RBFOX1: variants seen among roughly 807,000 people sequenced by gnomAD.
RBFOX1 encodes the protein RNA binding fox-1 homolog 1, also known as RNA binding protein fox-1 homolog 1.
Under a neutral mutation model 57.7 loss-of-function variants are expected in RBFOX1, and 8 were observed. The ratio of observed to expected loss-of-function variants is 0.14; its 90% CI spans 0.08 to 0.25. The LOEUF is 0.25. Among genes scored for constraint, RBFOX1 ranks in the 10% least tolerant of loss-of-function variants. The pLI is 1.00. For missense variants in RBFOX1, 611 were observed against 548.5 expected (o/e 1.11, Z -1.14); for synonymous variants, 326 against 222.4 (o/e 1.47, Z -4.15).
chr16:7,559,487 A>G (rs575477504), intron 5 of RBFOX1, among the ~76,000 whole-genome samples: 1 of 152,290 alleles, frequency 6.6e-6, no homozygotes, highest in East Asian at 1.9e-4. Flanking sequence ...TTAAAAATAT[A>G]AAAGTCTTTC....
In RBFOX1 at chr16:6,134,825, A is replaced by G. The variant is rs1048706748; in HGVS notation, c.-127+114833A>G. 2.7e-5 allele frequency among the ~76,000 whole-genome samples: 4 copies of G among 145,628 alleles called. No individual in the cohort carries two copies. In the Admixed American group the frequency reaches 2.7e-4, roughly 10 times the overall value. On this transcript the variant is annotated intron_variant, in intron 1 of 15. Transcript: ENST00000550418. ...TTATGTGAGGGGTCCATTCTCTAGCATCTTACCCCAGGCAGGCCATTTTTT... is the reference window on the plus strand; with the variant it reads ...TTATGTGAGGGGTCCATTCTCTAGCGTCTTACCCCAGGCAGGCCATTTTTT...
At chr16:6,862,732 C>T (rs2059232523) in intron 3 of RBFOX1, among the ~76,000 whole-genome samples, 1 of 152,264 alleles carries the variant, frequency 6.6e-6, no homozygotes, top group South Asian at 2.1e-4. Context: ...CACCTGTAAT[C>T]CCGGCGCTTT....
intron 3 of RBFOX1, among the ~76,000 whole-genome samples, chr16:6,906,636 A>T (rs1358947073): frequency 1.3e-5 from 2 of 152,124 alleles, no homozygotes; most frequent in African/African-American, 2.4e-5. Context: ...GAGGACAGGA[A>T]CAGCGTTTTC....
chr16:6,540,227 G>C (rs543750071), intron 2 of RBFOX1, among the ~76,000 whole-genome samples: 2 of 152,022 alleles, frequency 1.3e-5, no homozygotes, highest in African/African-American at 4.8e-5. Context: ...ATTCTTGAAA[G>C]TAGGTTTTGG....
intron 4 of RBFOX1, among the ~76,000 whole-genome samples, chr16:5,985,411 A>G (rs371882063): frequency 1.1e-4 from 16 of 152,274 alleles, no homozygotes; most frequent in African/African-American, 3.4e-4. Flanking sequence ...CCTGTAAGGT[A>G]TAATAGTTGC....
chr16:6,458,562 A>G (rs1211885086), intron 2 of RBFOX1, among the ~76,000 whole-genome samples: 1 of 152,208 alleles, frequency 6.6e-6, no homozygotes, highest in Non-Finnish European at 1.5e-5. Flanking sequence ...CAAACCAGGC[A>G]TCAACCATTG....
At chr16:7,634,313 A>G (rs1343120942) in intron 11 of RBFOX1, among the ~76,000 whole-genome samples, 2 of 151,984 alleles carry the variant, frequency 1.3e-5, no homozygotes, top group African/African-American at 2.4e-5. Context: ...CAGACTTGCA[A>G]GATAACTCTG....
chr16:5,727,413 G>C (rs769585313), intron 3 of RBFOX1, among the ~76,000 whole-genome samples: 2 of 152,176 alleles, frequency 1.3e-5, no homozygotes, highest in Non-Finnish European at 2.9e-5. Flanking sequence ...GTGATGCTCT[G>C]ATGTACGTAT....
At chr16:7,630,474 C>T in intron 10 of RBFOX1, 129 bp from the exon 11 acceptor site, 2 of 1,524,594 alleles carry the variant, frequency 1.3e-6, no homozygotes, top group Non-Finnish European at 1.8e-6. Context: ...TTGTTGGGTA[C>T]CCTTGTCCTG....
chr16:5,730,309 C>T (rs906050699), intron 3 of RBFOX1, among the ~76,000 whole-genome samples: 1 of 152,138 alleles, frequency 6.6e-6, no homozygotes, highest in Admixed American at 6.5e-5. Context: ...AAGACTACAG[C>T]TTCTCATGCC....
chr16:5,568,766 A>T (rs945165105), intron 2 of RBFOX1, among the ~76,000 whole-genome samples: 7 of 152,218 alleles, frequency 4.6e-5, no homozygotes, highest in African/African-American at 1.7e-4. Context: ...GTTTGAAGTC[A>T]GTTTTGAAAA....
At chr16:6,257,766 A>G (rs914035333) in intron 1 of RBFOX1, among the ~76,000 whole-genome samples, 2 of 152,154 alleles carry the variant, frequency 1.3e-5, no homozygotes, top group African/African-American at 2.4e-5. Context: ...GTTCTTTTTT[A>G]TGGCTGCATA....
chr16:5,431,448 C>T (rs560465837), intron 1 of RBFOX1, among the ~76,000 whole-genome samples: 97 of 152,190 alleles, frequency 6.4e-4, no homozygotes, highest in Non-Finnish European at 1.1e-3. Flanking sequence ...GATCTCGGCT[C>T]ACTACAACCT....
intron 3 of RBFOX1, among the ~76,000 whole-genome samples, chr16:6,840,667 T>A (rs921344223): frequency 6.6e-6 from 1 of 151,780 alleles, no homozygotes; most frequent in African/African-American, 2.4e-5. Context: ...GGCTGGTGGA[T>A]CATGAGGTCA....
At chr16:5,784,766 C>T (rs1156549197) in intron 3 of RBFOX1, among the ~76,000 whole-genome samples, 2 of 152,058 alleles carry the variant, frequency 1.3e-5, no homozygotes, top group African/African-American at 2.4e-5. Flanking sequence ...TTGGAAGAGG[C>T]CCCAGAGAGC....
chr16:6,642,452 G>A (rs776240169), intron 2 of RBFOX1, among the ~76,000 whole-genome samples: 1 of 152,066 alleles, frequency 6.6e-6, no homozygotes, highest in Non-Finnish European at 1.5e-5. Flanking sequence ...ACCTGAAACA[G>A]GGATGCCGTT....
chr16:6,396,152 T>C (rs1443129139), intron 2 of RBFOX1, among the ~76,000 whole-genome samples: 1 of 151,004 alleles, frequency 6.6e-6, no homozygotes, highest in Admixed American at 6.6e-5. Context: ...AATCCTATCA[T>C]AGATAGCAAT....
chr16:6,649,025 C>T (rs78731861), intron 2 of RBFOX1, among the ~76,000 whole-genome samples: 2,644 of 152,230 alleles, frequency 0.017, 33 homozygotes, highest in Middle Eastern at 0.027. Flanking sequence ...GAACTGTAGT[C>T]ACCATGTTGT....
intron 4 of RBFOX1, among the ~76,000 whole-genome samples, chr16:7,083,285 C>T (rs7194969): frequency 6.7e-6 from 1 of 149,998 alleles, no homozygotes; most frequent in African/African-American, 2.4e-5. Flanking sequence ...AAACAGCTGT[C>T]TCCTGCTTGT....
Sources: allele counts gnomAD v4.1 joint callset (sites outside exome capture counted in the v4.1 genomes callset), GRCh38; gene constraint gnomAD v4.1.1; transcripts MANE v1.5; gene names NCBI Gene and HGNC (gene_info 2026-07-23, HGNC 2026-07-21).